Variants in FBN2 observed in about 807,000 individuals in gnomAD.
FBN2 encodes the protein fibrillin 2.
FBN2 carries 105 observed loss-of-function variants against 355.6 expected under a neutral mutation model. The observed-to-expected ratio is 0.30, with a 90% CI of 0.25 to 0.35. The LOEUF (loss-of-function observed/expected upper bound fraction) is 0.35. Among genes scored for constraint, FBN2 ranks in the 10% least tolerant of loss-of-function variants. The pLI is 1.00. For missense variants in FBN2, 3,280 were observed against 3,758.7 expected (o/e 0.87, Z 3.33); for synonymous variants, 1,350 against 1,301.2 (o/e 1.04, Z -0.81).
chr5:128,380,806 C>T lies in FBN2; in HGVS notation c.1604-1916G>A, dbSNP rs114050370. Among the ~76,000 whole-genome samples, 359 of 152,144 alleles carry T rather than the reference C, an allele frequency of 2.4e-3. 3 individuals carry two copies. The highest frequency in any genetic ancestry group is 7.9e-3 in the African/African-American group (330 of 41,512). On this transcript the variant is annotated intron_variant, in intron 11 of 64. Transcript: ENST00000262464. ...TATTCTGAGTCTCACAGTCCTGGACCTCCAAGAGACCATGTTCGTTTTGTC... is the reference window on the plus strand; with the variant it reads ...TATTCTGAGTCTCACAGTCCTGGACTTCCAAGAGACCATGTTCGTTTTGTC...
chr5:128,406,472 C>G (rs1002459889), intron 8 of FBN2, among the ~76,000 whole-genome samples: 8 of 152,182 alleles, frequency 5.3e-5, no homozygotes, highest in Non-Finnish European at 8.8e-5. Flanking sequence ...CACCTGTTCA[C>G]TTAAAAGAAG....
In FBN2 at chr5:128,259,807, C is replaced by G. The variant is rs751287011; in HGVS notation, c.8387G>C (p.Ser2796Thr). The change falls in exon 65 of 65, where the codon AGT (serine) becomes ACT (threonine). Residue 2796 changes from serine (S) to threonine (T), a missense_variant. Physicochemically the swap from Ser to Thr is moderately conservative, Grantham distance 58. Around this residue, in one of 6 missense-constraint regions of FBN2, gnomAD observed 311 missense variants for 319.1 expected, o/e 0.97. Transcript: ENST00000262464. ...PTAVEQISLE[S>T]VDMDSPVNMK... is the part of the protein sequence containing the mutation. ...GTTGACGGGGCTGTCCATGTCGACA[C>G]TCTCTAGGCTGATCTGTTCAACCTG... 1.2e-6 allele frequency: 2 copies of G among 1,613,404 alleles called. No individual in the cohort carries two copies. The highest frequency in any genetic ancestry group is 4.5e-5 in the East Asian group (2 of 44,836).
chr5:128,429,570 C>G (rs1394118268), intron 7 of FBN2, among the ~76,000 whole-genome samples: 1 of 152,110 alleles, frequency 6.6e-6, no homozygotes, highest in Non-Finnish European at 1.5e-5. Flanking sequence ...GATCTATACA[C>G]AACGTAACAT....
At chr5:128,296,013 C>G (rs1209616901) in intron 48 of FBN2, among the ~76,000 whole-genome samples, 2 of 151,810 alleles carry the variant, frequency 1.3e-5, no homozygotes, top group African/African-American at 2.4e-5. Flanking sequence ...TACGTCCCAT[C>G]AATACCTAAT....
At chr5:128,535,190 C>T (rs1025419887) in intron 2 of FBN2, among the ~76,000 whole-genome samples, 1 of 152,142 alleles carries the variant, frequency 6.6e-6, no homozygotes, top group Non-Finnish European at 1.5e-5. Context: ...CAGTTGTTTC[C>T]TATTTTTGCC....
chr5:128,321,358 A>G, intron 34 of FBN2, among the ~76,000 whole-genome samples: 1 of 152,164 alleles, frequency 6.6e-6, no homozygotes, highest in East Asian at 1.9e-4. Flanking sequence ...GGTTTGTTAC[A>G]TAGGTGTATG....
intron 16 of FBN2, among the ~76,000 whole-genome samples, chr5:128,368,426 A>ATATG (rs1419570285): frequency 1.6e-4 from 23 of 143,906 alleles, no homozygotes; most frequent in Non-Finnish European, 2.7e-4. Context: ...GTGTGTATAT[A>ATATG]TATATATACA....
chr5:128,518,420 C>G (rs1361864142), intron 5 of FBN2, among the ~76,000 whole-genome samples: 1 of 152,122 alleles, frequency 6.6e-6, no homozygotes, highest in African/African-American at 2.4e-5. Flanking sequence ...CATCCCTCCA[C>G]CCCTTTTCTC....
At chr5:128,445,511 T>C (rs1426371530) in intron 7 of FBN2, among the ~76,000 whole-genome samples, 3 of 152,192 alleles carry the variant, frequency 2.0e-5, no homozygotes, top group African/African-American at 7.2e-5. Flanking sequence ...CTCTTCCCAT[T>C]TTCTTTTTTA....
chr5:128,489,952 T>C (rs2127124106), intron 5 of FBN2, among the ~76,000 whole-genome samples: 1 of 152,314 alleles, frequency 6.6e-6, no homozygotes, highest in South Asian at 2.1e-4. Context: ...TATGTAGGAA[T>C]GAGGCAGACC....
At chr5:128,307,761 A>T (rs2126841305) in intron 41 of FBN2, among the ~76,000 whole-genome samples, 1 of 152,154 alleles carries the variant, frequency 6.6e-6, no homozygotes, top group Non-Finnish European at 1.5e-5. Flanking sequence ...TATAAGAAGT[A>T]TTCTTACACA....
intron 25 of FBN2, among the ~76,000 whole-genome samples, chr5:128,340,295 C>G (rs1446537250): frequency 2.6e-5 from 4 of 152,154 alleles, no homozygotes; most frequent in Non-Finnish European, 5.9e-5. Context: ...TGCATGTTCT[C>G]TTGAGAGGGG....
chr5:128,356,143 C>A (rs948202765), intron 20 of FBN2, among the ~76,000 whole-genome samples: 1 of 152,156 alleles, frequency 6.6e-6, no homozygotes, highest in Admixed American at 6.5e-5. Flanking sequence ...ACCGCCCCCC[C>A]AACCCAGCCC....
chr5:128,282,644 A>G (rs1748999647), intron 55 of FBN2, among the ~76,000 whole-genome samples: 1 of 152,140 alleles, frequency 6.6e-6, no homozygotes. Context: ...GTTGAAAAAA[A>G]GTTGCCTGAT....
At chr5:128,421,992 T>A (rs1753361043) in intron 7 of FBN2, among the ~76,000 whole-genome samples, 1 of 152,122 alleles carries the variant, frequency 6.6e-6, no homozygotes, top group South Asian at 2.1e-4. Flanking sequence ...AGTGTCAGAT[T>A]GAGAGACAGA....
intron 5 of FBN2, among the ~76,000 whole-genome samples, chr5:128,505,729 C>A (rs1484935186): frequency 6.6e-5 from 3 of 45,128 alleles, no homozygotes; most frequent in Non-Finnish European, 1.2e-4. Flanking sequence ...TGTATTTACT[C>A]TTTTTCAACT....
chr5:128,497,895 A>G (rs972443253), intron 5 of FBN2, among the ~76,000 whole-genome samples: 1 of 152,080 alleles, frequency 6.6e-6, no homozygotes, highest in African/African-American at 2.4e-5. Context: ...TAGTGAAATA[A>G]CTCCCAATTT....
At chr5:128,378,507 A>G (rs974888542) in intron 12 of FBN2, among the ~76,000 whole-genome samples, 6 of 152,186 alleles carry the variant, frequency 3.9e-5, no homozygotes, top group African/African-American at 1.4e-4. Flanking sequence ...AGAGAAGGTT[A>G]CTGATGTTAT....
chr5:128,276,102 C>T lies in FBN2; in HGVS notation c.7530G>A (p.Glu2510=), dbSNP rs946776840. 1.9e-6 allele frequency: 3 copies of T among 1,612,504 alleles called. No homozygotes were observed. The African/African-American group carries it at 4.0e-5, about 22-fold the overall frequency. The change falls in exon 59 of 65, where the codon GAG becomes GAA. Residue 2510 remains glutamate, a synonymous_variant. Transcript: ENST00000262464. ...KPCNYICKNT[E]GSYQCSCPRG... ...TCGGACATGAACACTGATAACTCCC[C>T]TCAGTGTTCTTGCAGATGTAGTTGC... is the stretch of plus-strand genomic sequence containing the variant.
Sources: allele counts gnomAD v4.1 joint callset (sites outside exome capture counted in the v4.1 genomes callset), GRCh38; gene constraint gnomAD v4.1.1; regional missense constraint gnomAD v4.1.1; transcripts MANE v1.5; gene names NCBI Gene and HGNC (gene_info 2026-07-23, HGNC 2026-07-21).